ROBO2: variants seen among roughly 807,000 people sequenced by gnomAD.
ROBO2 encodes the protein roundabout guidance receptor 2.
A neutral mutation model predicts 160.8 loss-of-function variants in ROBO2; 53 were observed. The observed-to-expected ratio is 0.33, with a 90% CI of 0.26 to 0.41. ROBO2 has a LOEUF of 0.41. Ranked by LOEUF, ROBO2 falls within the 10% of genes least tolerant of loss-of-function variation. ROBO2 has a pLI of 1.00. For missense variants in ROBO2, 1,577 were observed against 1,722.4 expected (o/e 0.92, Z 1.49); for synonymous variants, 664 against 611.7 (o/e 1.09, Z -1.26).
chr3:76,711,034 A>T (rs557400885), intron 2 of ROBO2, among the ~76,000 whole-genome samples: 1 of 152,220 alleles, frequency 6.6e-6, no homozygotes, highest in East Asian at 1.9e-4. Flanking sequence ...TGACTGGTCC[A>T]TAGAAAATTT....
At chr3:77,287,067 GC>G (rs1319378416) in intron 2 of ROBO2, among the ~76,000 whole-genome samples, 6 of 152,150 alleles carry the variant, frequency 3.9e-5, no homozygotes, top group African/African-American at 1.4e-4. Context: ...TAGACAAAGT[GC>G]AAAAAGCATT....
At chr3:76,858,557 C>T (rs921383412) in intron 2 of ROBO2, among the ~76,000 whole-genome samples, 1 of 152,156 alleles carries the variant, frequency 6.6e-6, no homozygotes, top group Non-Finnish European at 1.5e-5. Context: ...AGCCACGGCA[C>T]CTGGTCAGTA....
rs1442233915 is a variant in ROBO2, at chr3:76,792,944, T to C, written c.110-305070T>C. On this transcript the variant is annotated intron_variant, in intron 2 of 26. Transcript: ENST00000487694. ...ATATTTGAGAATGTATACTTAACTG[T>C]TTAAATTTTCTTAAATTATGCTATA... Among the ~76,000 whole-genome samples the C allele has an allele frequency of 2.0e-5, 3 of 151,844 alleles. No homozygotes were observed. In the East Asian group the frequency reaches 5.8e-4, roughly 29 times the overall value.
chr3:75,949,421 T>C (rs1427605502), intron 2 of ROBO2, among the ~76,000 whole-genome samples: 1 of 152,142 alleles, frequency 6.6e-6, no homozygotes, highest in Non-Finnish European at 1.5e-5. Context: ...CTTTTACTCA[T>C]AGCTTCTCAG....
chr3:77,298,660 G>A (rs993817687), intron 2 of ROBO2, among the ~76,000 whole-genome samples: 1 of 152,190 alleles, frequency 6.6e-6, no homozygotes, highest in Non-Finnish European at 1.5e-5. Flanking sequence ...CTGACTAACA[G>A]CAAGTTATCC....
At position 77,540,771 on chromosome 3, in the gene ROBO2, C is replaced by T. The variant is rs558882628; in HGVS notation, c.935-5567C>T. ...ATTAATAAAGCTGTGTTACTCATGC[C>T]CTGAGTAAGATTCAGTTTACTGGTT... On this transcript the variant is annotated intron_variant, in intron 6 of 25. Coordinates refer to ENST00000461745, the Ensembl canonical transcript of ROBO2. Among the ~76,000 whole-genome samples, 3 of 152,164 alleles carry T rather than the reference C, an allele frequency of 2.0e-5. No individual in the cohort carries two copies. In the South Asian group the frequency reaches 6.2e-4, roughly 32 times the overall value.
intron 2 of ROBO2, among the ~76,000 whole-genome samples, chr3:76,162,585 T>C (rs189664488): frequency 1.2e-4 from 19 of 152,332 alleles, no homozygotes; most frequent in African/African-American, 4.3e-4. Flanking sequence ...GGTTCTGGGA[T>C]TATAGGCATG....
intron 2 of ROBO2, among the ~76,000 whole-genome samples, chr3:76,281,576 G>A (rs971872861): frequency 1.3e-5 from 2 of 151,676 alleles, no homozygotes; most frequent in Non-Finnish European, 2.9e-5. Flanking sequence ...GCTTAAGGTC[G>A]TGTTAAGTTC....
chr3:77,370,459 C>T (rs554243199), intron 2 of ROBO2, among the ~76,000 whole-genome samples: 65 of 152,308 alleles, frequency 4.3e-4, no homozygotes, highest in African/African-American at 1.5e-3. Context: ...TTGCCACTCT[C>T]TCTCATTCTT....
chr3:77,011,768 A>G (rs527984336), intron 2 of ROBO2, among the ~76,000 whole-genome samples: 2 of 152,198 alleles, frequency 1.3e-5, no homozygotes, highest in African/African-American at 4.8e-5. Context: ...CCCCTTTGTT[A>G]TGCTCTACTC....
At chr3:76,122,558 A>G (rs1559568986) in intron 2 of ROBO2, among the ~76,000 whole-genome samples, 1 of 152,064 alleles carries the variant, frequency 6.6e-6, no homozygotes, top group East Asian at 1.9e-4. Context: ...AATATGACCA[A>G]TTTTTAAAAA....
At chr3:76,116,144 G>C (rs1489453986) in intron 2 of ROBO2, among the ~76,000 whole-genome samples, 3 of 152,170 alleles carry the variant, frequency 2.0e-5, no homozygotes, top group Middle Eastern at 3.4e-3. Context: ...TTTAGTATAA[G>C]ATCTTGGACA....
chr3:76,545,586 C>A (rs191788849), intron 2 of ROBO2, among the ~76,000 whole-genome samples: 4 of 152,020 alleles, frequency 2.6e-5, no homozygotes, highest in Non-Finnish European at 4.4e-5. Flanking sequence ...ATGTTCTAAT[C>A]ATGTTCAGTT....
chr3:77,486,107 G>A (rs1288706481), intron 4 of ROBO2, among the ~76,000 whole-genome samples: 2 of 152,150 alleles, frequency 1.3e-5, no homozygotes, highest in African/African-American at 4.8e-5. Context: ...CAAAGGACAT[G>A]ATCTGATTCC....
At chr3:76,535,310 A>T (rs2082435538) in intron 2 of ROBO2, among the ~76,000 whole-genome samples, 1 of 151,912 alleles carries the variant, frequency 6.6e-6, no homozygotes, top group Non-Finnish European at 1.5e-5. Context: ...AGATGTGAGG[A>T]GAATTTGTAG....
intron 2 of ROBO2, among the ~76,000 whole-genome samples, chr3:76,770,990 A>G (rs1292224480): frequency 6.6e-6 from 1 of 151,286 alleles, no homozygotes; most frequent in East Asian, 2.0e-4. Context: ...TGAGAGGGAA[A>G]TATACTAAAT....
At chr3:76,630,808 A>C (rs577860509) in intron 2 of ROBO2, among the ~76,000 whole-genome samples, 1 of 152,320 alleles carries the variant, frequency 6.6e-6, no homozygotes, top group Non-Finnish European at 1.5e-5. Flanking sequence ...ATCTGCAGCT[A>C]AATCTACCTC....
chr3:76,232,160 A>C (rs553060010), intron 2 of ROBO2, among the ~76,000 whole-genome samples: 144 of 152,320 alleles, frequency 9.5e-4, no homozygotes, highest in Non-Finnish European at 1.7e-3. Context: ...AGAAAAGCAG[A>C]AAAACAACAT....
At chr3:76,964,751 A>G (rs1420361429) in intron 2 of ROBO2, among the ~76,000 whole-genome samples, 2 of 152,210 alleles carry the variant, frequency 1.3e-5, no homozygotes, top group East Asian at 1.9e-4. Context: ...CTACACTATA[A>G]TAGCATAGGT....
Sources: allele counts gnomAD v4.1 joint callset (sites outside exome capture counted in the v4.1 genomes callset), GRCh38; gene constraint gnomAD v4.1.1; transcripts MANE v1.5; gene names NCBI Gene and HGNC (gene_info 2026-07-23, HGNC 2026-07-21).